MGAM2: variants seen among roughly 807,000 people sequenced by gnomAD.
The protein encoded by MGAM2 is probable maltase-glucoamylase 2.
MGAM2 carries 98 observed loss-of-function variants against 96.1 expected under a neutral mutation model. The ratio of observed to expected loss-of-function variants is 1.02; its 90% CI spans 0.87 to 1.21. The LOEUF (loss-of-function observed/expected upper bound fraction) is 1.21. Among genes scored for constraint, MGAM2 ranks in the 50% most tolerant of loss-of-function variants. MGAM2 has a pLI of 0.00. For missense variants in MGAM2, 2,055 were observed against 1,182.4 expected (o/e 1.74, Z -10.82); for synonymous variants, 749 against 414.8 (o/e 1.81, Z -9.79).
chr7:142,129,901 A>G (rs1794838317), intron 3 of MGAM2, among the ~76,000 whole-genome samples: 1 of 144,322 alleles, frequency 6.9e-6, no homozygotes, highest in Non-Finnish European at 1.5e-5. Context: ...CACCTGCCAC[A>G]TTGCATTTTA....
intron 22 of MGAM2, 102 bp downstream of exon 22, chr7:142,161,315 C>G: frequency 1.8e-6 from 1 of 569,834 alleles, no homozygotes; most frequent in Non-Finnish European, 3.2e-6. Context: ...TTAGCACTGT[C>G]GTTTACATCT....
intron 15 of MGAM2, among the ~76,000 whole-genome samples, chr7:142,151,971 T>C (rs557950166): frequency 1.3e-5 from 2 of 152,294 alleles, no homozygotes; most frequent in South Asian, 4.1e-4. Context: ...GGCTCAACCT[T>C]AAATGGAAGT....
chr7:142,140,128 T>TG (rs1287994191), intron 10 of MGAM2, among the ~76,000 whole-genome samples: 1 of 152,062 alleles, frequency 6.6e-6, no homozygotes, highest in Admixed American at 6.5e-5. Context: ...GGTGGCAGAT[T>TG]GGGGAAAAAA....
At chr7:142,152,198 T>C (rs1375012472) in intron 15 of MGAM2, among the ~76,000 whole-genome samples, 1 of 151,300 alleles carries the variant, frequency 6.6e-6, no homozygotes, top group African/African-American at 2.4e-5. Context: ...CCAGCAGTTA[T>C]CTAATCTGTT....
At chr7:142,171,483 G>C in intron 28 of MGAM2, 43 bp downstream of exon 28, 1 of 694,654 alleles carries the variant, frequency 1.4e-6, no homozygotes, top group Non-Finnish European at 2.6e-6. Context: ...TTCTCTTTAT[G>C]TAAATCTCTT....
At chr7:142,210,735 G>C (rs973706686) in intron 46 of MGAM2, among the ~76,000 whole-genome samples, 2 of 152,214 alleles carry the variant, frequency 1.3e-5, no homozygotes, top group African/African-American at 2.4e-5. Flanking sequence ...ACAGACACCT[G>C]GGGGAAGGGG....
rs1794903612 is a variant in MGAM2 at position 142,132,019 on chromosome 7, A to G, written c.509A>G (p.Tyr170Cys). 2 of 703,044 alleles carry G rather than the reference A, an allele frequency of 2.8e-6. No individual in the cohort carries two copies. The highest frequency in any genetic ancestry group is 2.6e-6 in the Non-Finnish European group (1 of 385,058). The allele number at this position is 703,044 out of a possible 1,614,324, so 43.6% of individuals were successfully genotyped here. Residue 170 changes from tyrosine (Y) to cysteine (C), a missense_variant, in exon 6 of 48, where the codon TAT becomes TGT. Transcript: ENST00000477922. ...DGIADASNLS[Y>C]YVEVTDKPFS... ...ATTGCTGATGCCTCCAATTTGAGCTATTACGTGGAGGTTACTGATAAACCT... is the reference window on the plus strand; with the variant it reads ...ATTGCTGATGCCTCCAATTTGAGCTGTTACGTGGAGGTTACTGATAAACCT...
intron 6 of MGAM2, among the ~76,000 whole-genome samples, chr7:142,133,300 ATATT>A (rs1175893793): frequency 6.8e-6 from 1 of 146,728 alleles, no homozygotes; most frequent in Non-Finnish European, 1.5e-5. Context: ...AATATATAGT[ATATT>A]TAATATGTTT....
chr7:142,160,043 A>G (rs1224447335), intron 20 of MGAM2, 91 bp from the exon 21 acceptor site: 2 of 604,520 alleles, frequency 3.3e-6, no homozygotes, highest in African/African-American at 3.7e-5. Flanking sequence ...TCTTCTTTAA[A>G]ATATGTCAAC....
intron 37 of MGAM2, among the ~76,000 whole-genome samples, chr7:142,190,578 A>G (rs1419084286): frequency 6.6e-6 from 1 of 151,932 alleles, no homozygotes; most frequent in Non-Finnish European, 1.5e-5. Context: ...CCAGCCTACC[A>G]TTTTACATTC....
At chr7:142,129,304 A>C (rs1295787186) in intron 3 of MGAM2, among the ~76,000 whole-genome samples, 1 of 152,098 alleles carries the variant, frequency 6.6e-6, no homozygotes, top group Non-Finnish European at 1.5e-5. Context: ...GGCTAAAGGG[A>C]CTTGCCTTGT....
At chr7:142,177,369 A>T (rs191213758) in intron 32 of MGAM2, among the ~76,000 whole-genome samples, 222 of 152,308 alleles carry the variant, frequency 1.5e-3, no homozygotes, top group African/African-American at 5.2e-3. Context: ...ACCTCCTACC[A>T]TGTCCCTCTT....
intron 3 of MGAM2, among the ~76,000 whole-genome samples, chr7:142,128,727 T>C (rs1416285496): frequency 6.6e-6 from 1 of 152,198 alleles, no homozygotes; most frequent in Non-Finnish European, 1.5e-5. Flanking sequence ...CACCGAGGTA[T>C]AGGAACCTCT....
At chr7:142,217,913 G>A (rs59239999) in intron 46 of MGAM2, among the ~76,000 whole-genome samples, 3,354 of 151,992 alleles carry the variant, frequency 0.022, 121 homozygotes, top group African/African-American at 0.077. Flanking sequence ...GTGAAACCCC[G>A]TCTCTATTAA....
rs1563250784 is a variant in MGAM2 at position 142,131,000 on chromosome 7, AT to A, written c.240del (p.Asn80LysfsTer30). ...TGCTGGTCGCCTGTGGCAGATGCCA[AT>A]GTCCCTAGGTGCTTCTTCCCCTGGA... is the stretch of plus-strand genomic sequence containing the variant. ...KCCWSPVADA[N>X]VPRCFFPWNW... is the part of the protein sequence containing the mutation. On this transcript the variant is annotated frameshift_variant, in exon 4 of 48. Transcript: ENST00000477922. LOFTEE classifies it high-confidence loss of function. 2.8e-6 allele frequency: 2 copies of A among 702,708 alleles called. No individual in the cohort carries two copies. Among genetic ancestry groups the A allele is most frequent in the Non-Finnish European group, 2.6e-6 (1 of 385,002 alleles). The allele number at this position is 702,708 out of a possible 1,614,324, so 43.5% of individuals were successfully genotyped here.
Position 142,138,553 on chromosome 7 carries a change from GCCATTCTTCCCTC to G in MGAM2, c.975_987del (p.Phe326IlefsTer19), listed in dbSNP as rs1381223658. 2.8e-6 allele frequency: 2 copies of G among 702,868 alleles called. No individual in the cohort carries two copies. The highest frequency in any genetic ancestry group is 3.5e-5 in the African/African-American group (2 of 57,226). 43.5% of individuals were successfully genotyped at this position (702,868 alleles called of 1,614,324 possible). A position where few individuals can be genotyped will look rare whatever the true frequency, so the allele number is the denominator to read the frequency against. On this transcript the variant is annotated frameshift_variant, in exon 10 of 48. Transcript: ENST00000477922. LOFTEE classifies it high-confidence loss of function. ...ACTTATCTTTTCAGCTTGTTGGACG[GCCATTCTTCCCTC>G]CCTATTGGAGTCTTGGGTTCCAGCT... is the stretch of plus-strand genomic sequence containing the variant.
At chr7:142,194,287 C>G (rs1401688977) in intron 37 of MGAM2, among the ~76,000 whole-genome samples, 2 of 152,234 alleles carry the variant, frequency 1.3e-5, no homozygotes, top group African/African-American at 2.4e-5. Flanking sequence ...CTGCCTGGGC[C>G]TCCCAAAGAG....
chr7:142,128,182 G>A (rs1189190211), intron 3 of MGAM2, among the ~76,000 whole-genome samples: 1 of 152,280 alleles, frequency 6.6e-6, no homozygotes, highest in East Asian at 1.9e-4. Flanking sequence ...ATGATTTAGG[G>A]TATCTGGCAG....
In MGAM2 at chr7:142,157,806, C is replaced by G; in HGVS notation, c.1924-131C>G. 7 of 614,856 alleles carry G rather than the reference C, an allele frequency of 1.1e-5. 1 individual carries two copies. The South Asian group carries it at 1.4e-4, about 12-fold the overall frequency. The allele number at this position is 614,856 out of a possible 1,614,324, so 38.1% of individuals were successfully genotyped here. ...TGAAGGAGTAGGATTAGTATCTTTT[C>G]AGTTCTAGAAATGCTTTGATATTCT... is the stretch of plus-strand genomic sequence containing the variant. On this transcript the variant is annotated intron_variant, in intron 17 of 47. Coordinates refer to ENST00000477922, the MANE Select transcript of MGAM2 (RefSeq NM_001293626.2).
Sources: gnomAD v4.1 joint callset for allele counts (sites outside exome capture counted in the v4.1 genomes callset) on GRCh38, gnomAD v4.1.1 for gene constraint, MANE v1.5 for transcripts, NCBI Gene and HGNC (gene_info 2026-07-23, HGNC 2026-07-21) for gene names.